The following TXNDC11 variants were observed in gnomAD, a reference collection of about 807,000 sequenced individuals.
TXNDC11 encodes the protein thioredoxin domain containing 11.
In TXNDC11, 68 loss-of-function variants were observed where a neutral mutation model predicts 78.0. The ratio of observed to expected loss-of-function variants is 0.87; its 90% CI spans 0.72 to 1.07. The LOEUF (loss-of-function observed/expected upper bound fraction) is 1.07, where lower values mean the gene tolerates loss of function less well. Ranked by LOEUF, TXNDC11 falls within the 50% of genes least tolerant of loss-of-function variation. TXNDC11 has a pLI of 0.00. For synonymous variants in TXNDC11, 571 were observed against 495.2 expected (o/e 1.15, Z -2.03); for missense variants, 1,389 against 1,221.8 (o/e 1.14, Z -2.04).
chr16:11,695,880 C>G (rs1235344207), intron 7 of TXNDC11, among the ~76,000 whole-genome samples: 1 of 151,898 alleles, frequency 6.6e-6, no homozygotes, highest in Non-Finnish European at 1.5e-5. Flanking sequence ...CAGAAAAATA[C>G]AAAAATTAGC....
At chr16:11,726,189 T>C (rs965234254) in intron 4 of TXNDC11, among the ~76,000 whole-genome samples, 1 of 151,146 alleles carries the variant, frequency 6.6e-6, no homozygotes, top group East Asian at 1.9e-4. Flanking sequence ...CTTAGAGTCA[T>C]AGTTTACAAA....
intron 5 of TXNDC11, among the ~76,000 whole-genome samples, chr16:11,709,405 G>A (rs1388153096): frequency 7.0e-6 from 1 of 142,074 alleles, no homozygotes; most frequent in Non-Finnish European, 1.5e-5. Flanking sequence ...CCACCACCAT[G>A]CGTAGCTAAT....
rs773264602 is a variant in TXNDC11 at position 11,679,216 on chromosome 16, A to T, written c.2856T>A (p.Asn952Lys). ...AAAGTTAGTCTGTCCTGTTCTCCTT[A>T]TTCCTTTCAGACACCAGTGTGGCGC... ...NVSATLVSER[N>K]KENRTD The change falls in exon 12 of 12, where the codon AAT becomes AAA. Residue 952 changes from asparagine (N) to lysine (K), a missense_variant. Transcript: ENST00000283033. The surrounding 1 kb of genome is among the most constrained non-coding windows in gnomAD (Gnocchi z 4.6). The T allele has an allele frequency of 6.2e-7, 1 of 1,613,810 alleles. No individual in the cohort carries two copies. Among genetic ancestry groups the T allele is most frequent in the African/African-American group, 1.3e-5 (1 of 75,006 alleles).
In TXNDC11 at chr16:11,736,919, G is replaced by A. The variant is rs116122793; in HGVS notation, c.255-686C>T. Among the ~76,000 whole-genome samples, 1,188 of 152,126 alleles carry A rather than the reference G, an allele frequency of 7.8e-3. 19 individuals are homozygous for A. Among genetic ancestry groups the A allele is most frequent in the African/African-American group, 0.027 (1,125 of 41,496 alleles). ...AGAAAAGAACGCTGAACAAACAAGTGGTCAGAAGTAACTTTCCCCATCAAG... is the reference window on the plus strand; with the variant it reads ...AGAAAAGAACGCTGAACAAACAAGTAGTCAGAAGTAACTTTCCCCATCAAG... On this transcript the variant is annotated intron_variant, in intron 1 of 11. Coordinates refer to ENST00000283033, the MANE Select transcript of TXNDC11 (RefSeq NM_015914.7).
intron 3 of TXNDC11, among the ~76,000 whole-genome samples, chr16:11,732,163 T>C (rs1176933400): frequency 6.6e-6 from 1 of 152,224 alleles, no homozygotes; most frequent in Admixed American, 6.5e-5. Context: ...GACACATTTC[T>C]AAAGTTCCTT....
At chr16:11,730,607 G>T in intron 4 of TXNDC11, 38 bp downstream of exon 4, 1 of 1,605,092 alleles carries the variant, frequency 6.2e-7, no homozygotes, top group African/African-American at 1.3e-5. Context: ...CCCGTGAAAG[G>T]CCTTGAGTAT....
chr16:11,704,421 A>G (rs181767519), intron 5 of TXNDC11, among the ~76,000 whole-genome samples: 159 of 152,334 alleles, frequency 1.0e-3, no homozygotes, highest in Middle Eastern at 3.4e-3. Context: ...TTGAGGATAT[A>G]TTTACATAGT....
intron 11 of TXNDC11, among the ~76,000 whole-genome samples, chr16:11,682,094 A>G (rs989777747): frequency 1.3e-5 from 2 of 152,260 alleles, no homozygotes; most frequent in African/African-American, 4.8e-5. Flanking sequence ...TTTCACTAAA[A>G]ATAGCATAAG....
chr16:11,715,801 C>T (rs1352181116), intron 5 of TXNDC11, among the ~76,000 whole-genome samples: 3 of 151,978 alleles, frequency 2.0e-5, no homozygotes, highest in East Asian at 1.9e-4. Flanking sequence ...AGGAGGTGCA[C>T]GGGAAAGGGG....
At position 11,742,689 on chromosome 16, in the gene TXNDC11, G is replaced by A. The variant is rs746810805; in HGVS notation, c.42C>T (p.Ser14=). ...CCCCTCCCTCGTCCTCGGCGTCCTCGCTGCTGCTGCTGCCGCCGCCGCGGC... is the reference window on the plus strand; with the variant it reads ...CCCCTCCCTCGTCCTCGGCGTCCTCACTGCTGCTGCTGCCGCCGCCGCGGC... ...CGGRGGGSSS[S]EDAEDEGGGG... Residue 14 remains serine, a synonymous_variant, in exon 1 of 12, where the codon AGC becomes AGT. Transcript: ENST00000283033. 5.6e-5 allele frequency: 81 copies of A among 1,458,954 alleles called. No homozygotes were observed. The highest frequency in any genetic ancestry group is 7.0e-5 in the Non-Finnish European group (78 of 1,109,994). The allele number at this position is 1,458,954 out of a possible 1,614,324, so 90.4% of individuals were successfully genotyped here. A position where few individuals can be genotyped will look rare whatever the true frequency, so the allele number is the denominator to read the frequency against.
chr16:11,683,168 T>C (rs1338119101), intron 11 of TXNDC11, among the ~76,000 whole-genome samples: 1 of 152,214 alleles, frequency 6.6e-6, no homozygotes, highest in Non-Finnish European at 1.5e-5. Context: ...AGAGTTAATT[T>C]CTTTTTCCAC....
chr16:11,742,491 G>A lies in TXNDC11; in HGVS notation c.240C>T (p.Leu80=). ...VALGCALLLA[L]KFTCSRAKDV... ...GGCCGCCTCACCTGCAGGTGAACTT[G>A]AGGGCGAGGAGCAGCGCGCAGCCGA... The change falls in exon 1 of 12, where the codon CTC becomes CTT. Residue 80 remains leucine, a synonymous_variant. Transcript: ENST00000283033. The A allele has an allele frequency of 6.9e-7, 1 of 1,449,762 alleles. No individual in the cohort carries two copies. The highest frequency in any genetic ancestry group is 1.4e-5 in the South Asian group (1 of 73,960). 89.8% of individuals were successfully genotyped at this position (1,449,762 alleles called of 1,614,324 possible).
At chr16:11,734,907 T>C (rs2052175406) in intron 2 of TXNDC11, among the ~76,000 whole-genome samples, 2 of 152,160 alleles carry the variant, frequency 1.3e-5, no homozygotes, top group African/African-American at 4.8e-5. Flanking sequence ...CTACAGTGCA[T>C]ACGTAGGGCA....
At chr16:11,733,521 C>T (rs1195955062) in intron 3 of TXNDC11, among the ~76,000 whole-genome samples, 3 of 150,510 alleles carry the variant, frequency 2.0e-5, no homozygotes, top group East Asian at 1.9e-4. Context: ...AGTGAGACTC[C>T]GTCTCAAAAA....
intron 5 of TXNDC11, among the ~76,000 whole-genome samples, chr16:11,709,656 C>T (rs1443701027): frequency 2.0e-5 from 3 of 151,458 alleles, no homozygotes; most frequent in Admixed American, 6.6e-5. Context: ...AGGATGGTCT[C>T]GATCTCCTGA....
intron 5 of TXNDC11, among the ~76,000 whole-genome samples, chr16:11,711,246 T>C (rs2051346225): frequency 6.6e-6 from 1 of 152,184 alleles, no homozygotes; most frequent in African/African-American, 2.4e-5. Context: ...GTGAGTGAGC[T>C]CTGCACCAGG....
intron 4 of TXNDC11, among the ~76,000 whole-genome samples, chr16:11,724,953 G>A (rs1192392263): frequency 6.6e-6 from 1 of 152,052 alleles, no homozygotes; most frequent in Admixed American, 6.6e-5. Context: ...CACCATGTTG[G>A]CCAGGCTGGT....
At chr16:11,735,847 C>T (rs1239539016) in intron 2 of TXNDC11, among the ~76,000 whole-genome samples, 170 bp downstream of exon 2, 1 of 152,182 alleles carries the variant, frequency 6.6e-6, no homozygotes, top group Non-Finnish European at 1.5e-5. Context: ...ACAATCGCCA[C>T]AATTGGAAAT....
chr16:11,703,732 G>A (rs1277292109), intron 5 of TXNDC11: 2 of 701,620 alleles, frequency 2.9e-6, no homozygotes, highest in African/African-American at 1.7e-5. Flanking sequence ...GGCCCTTGGA[G>A]AAGAGGTTGA....
Sources: gnomAD v4.1 joint callset for allele counts (sites outside exome capture counted in the v4.1 genomes callset) on GRCh38, gnomAD v4.1.1 for gene constraint, Gnocchi (gnomAD v3.1) non-coding constraint, MANE v1.5 for transcripts, NCBI Gene and HGNC (gene_info 2026-07-23, HGNC 2026-07-21) for gene names.